Variants in GRB14 observed in about 807,000 individuals in gnomAD.
GRB14 encodes growth factor receptor-bound protein 14.
In GRB14, 38 loss-of-function variants were observed where a neutral mutation model predicts 69.1. The observed-to-expected ratio is 0.55, with a 90% CI of 0.42 to 0.72. GRB14 has a LOEUF of 0.72. Ranked by LOEUF, GRB14 falls within the 30% of genes least tolerant of loss-of-function variation. GRB14 has a pLI of 0.00. For synonymous variants in GRB14, 247 were observed against 241.3 expected (o/e 1.02, Z -0.22); for missense variants, 666 against 666.1 (o/e 1.00, Z 0.00).
chr2:164,499,393 A>G (rs773767397), intron 9 of GRB14, among the ~76,000 whole-genome samples: 3 of 152,160 alleles, frequency 2.0e-5, no homozygotes, highest in Non-Finnish European at 4.4e-5. Flanking sequence ...AATGTCTTCT[A>G]CTGAATGGCA....
At chr2:164,524,171 A>C (rs1450526722) in intron 5 of GRB14, among the ~76,000 whole-genome samples, 1 of 152,086 alleles carries the variant, frequency 6.6e-6, no homozygotes, top group Non-Finnish European at 1.5e-5. Context: ...ACAATACTGG[A>C]AATATTAAAA....
Position 164,608,592 on chromosome 2 carries a change from A to G in GRB14, c.324+11095T>C, listed in dbSNP as rs12474793. Among the ~76,000 whole-genome samples, 998 of 101,670 alleles carry G rather than the reference A, an allele frequency of 9.8e-3. 32 individuals are homozygous for G. Among genetic ancestry groups the G allele is most frequent in the Admixed American group, 0.08 (841 of 10,520 alleles). The allele number at this position is 101,670 out of a possible 152,430, so 66.7% of individuals were successfully genotyped here. A position where few individuals can be genotyped will look rare whatever the true frequency, so the allele number is the denominator to read the frequency against. Reference sequence around the variant, plus strand: ...ATGCCTTGGACAAATGGAAAAAAAGAAAAAAGAAAAAAAGTTAAATTAATA... The same window carrying G: ...ATGCCTTGGACAAATGGAAAAAAAGGAAAAAGAAAAAAAGTTAAATTAATA... On this transcript the variant is annotated intron_variant, in intron 2 of 13. Coordinates refer to ENST00000263915, the MANE Select transcript of GRB14 (RefSeq NM_004490.3).
intron 6 of GRB14, among the ~76,000 whole-genome samples, chr2:164,516,086 A>T (rs1306382370): frequency 6.6e-6 from 1 of 152,018 alleles, no homozygotes; most frequent in African/African-American, 2.4e-5. Flanking sequence ...GACCAAACCT[A>T]AGAAGAACTG....
intron 2 of GRB14, among the ~76,000 whole-genome samples, chr2:164,548,569 T>C (rs1688445645): frequency 6.6e-6 from 1 of 152,164 alleles, no homozygotes. Flanking sequence ...TTTGGGTATA[T>C]ATCCAAGAGA....
At chr2:164,513,154 C>G (rs981145960) in intron 6 of GRB14, among the ~76,000 whole-genome samples, 2 of 151,948 alleles carry the variant, frequency 1.3e-5, no homozygotes, top group Non-Finnish European at 2.9e-5. Flanking sequence ...TGCCTTCTTC[C>G]CTTCAGTCTC....
At chr2:164,524,775 A>T (rs1323181374) in intron 5 of GRB14, among the ~76,000 whole-genome samples, 1 of 152,064 alleles carries the variant, frequency 6.6e-6, no homozygotes, top group Non-Finnish European at 1.5e-5. Flanking sequence ...AATATGTAAA[A>T]TCCTTTGACA....
intron 9 of GRB14, among the ~76,000 whole-genome samples, chr2:164,501,669 C>A (rs1687055986): frequency 6.6e-6 from 1 of 151,998 alleles, no homozygotes; most frequent in Admixed American, 6.6e-5. Flanking sequence ...TAACACACGA[C>A]CTATATTTTG....
chr2:164,611,911 T>C (rs902805223), intron 2 of GRB14, among the ~76,000 whole-genome samples: 2 of 152,106 alleles, frequency 1.3e-5, no homozygotes, highest in Non-Finnish European at 2.9e-5. Flanking sequence ...GAAACCCTGC[T>C]TTCCACGACT....
chr2:164,567,521 C>T (rs1689007507), intron 2 of GRB14, among the ~76,000 whole-genome samples: 1 of 152,032 alleles, frequency 6.6e-6, no homozygotes. Context: ...AGCATATTGC[C>T]AAAACTGAGT....
chr2:164,541,074 CATT>C (rs1423223142), intron 3 of GRB14, among the ~76,000 whole-genome samples: 5 of 152,144 alleles, frequency 3.3e-5, no homozygotes, highest in Admixed American at 2.6e-4. Context: ...AAAATGTTAA[CATT>C]AGTTATCTCG....
chr2:164,600,157 G>A (rs1689879311), intron 2 of GRB14, among the ~76,000 whole-genome samples: 1 of 152,100 alleles, frequency 6.6e-6, no homozygotes, highest in Non-Finnish European at 1.5e-5. Context: ...ACTATCCACA[G>A]ACAAAACATA....
At chr2:164,561,534 C>T (rs1213821133) in intron 2 of GRB14, among the ~76,000 whole-genome samples, 1 of 152,112 alleles carries the variant, frequency 6.6e-6, no homozygotes, top group African/African-American at 2.4e-5. Context: ...TGAGATTCGT[C>T]CCATGAAAAG....
At chr2:164,565,917 C>CA (rs1405134242) in intron 2 of GRB14, among the ~76,000 whole-genome samples, 1 of 152,152 alleles carries the variant, frequency 6.6e-6, no homozygotes, top group African/African-American at 2.4e-5. Context: ...TAAGCACTAC[C>CA]AGAGACACTT....
chr2:164,615,832 A>T (rs73030032), intron 2 of GRB14, among the ~76,000 whole-genome samples: 2,362 of 152,318 alleles, frequency 0.016, 69 homozygotes, highest in African/African-American at 0.054. Context: ...CTAGGGGTCA[A>T]CAAAAAAGAC....
intron 2 of GRB14, among the ~76,000 whole-genome samples, chr2:164,584,147 A>ATTTTTTTTTTTTTTTTTTTTTTTT (rs55883951): frequency 2.0e-5 from 1 of 49,896 alleles, no homozygotes; most frequent in Non-Finnish European, 3.4e-5. Flanking sequence ...CAGCCTGGCT[A>ATTTTTTTTTTTTTTTTTTTTTTTT]TTTTTTTTTT....
In GRB14 at chr2:164,492,521, T is replaced by G. The variant is rs1686783498; in HGVS notation, c.*515A>C. 6.6e-6 allele frequency among the ~76,000 whole-genome samples: 1 copy of G among 152,018 alleles called. No individual in the cohort carries two copies. The highest frequency in any genetic ancestry group is 2.4e-5 in the African/African-American group (1 of 41,452). On this transcript the variant is annotated 3_prime_UTR_variant, in exon 14 of 14. Coordinates refer to ENST00000263915, the MANE Select transcript of GRB14 (RefSeq NM_004490.3). The stretch of plus-strand genomic sequence containing the variant: ...ACTATCTCAAAATATGATTTCATTT[T>G]AAGATGATCATAAACCCGGAAAATA...
chr2:164,619,862 T>C lies in GRB14; in HGVS notation c.192-43A>G, dbSNP rs752773724. ...AGGATGTAATTTACATAAAACAGAATGTAAAATATAATTGCTGTCAGGAAT... is the reference window on the plus strand; with the variant it reads ...AGGATGTAATTTACATAAAACAGAACGTAAAATATAATTGCTGTCAGGAAT... On this transcript the variant is annotated intron_variant, in intron 1 of 13. Transcript: ENST00000263915. 45 of 1,527,876 alleles carry C rather than the reference T, an allele frequency of 2.9e-5. No homozygotes were observed. The Admixed American group carries it at 5.6e-4, about 19-fold the overall frequency. The allele number at this position is 1,527,876 out of a possible 1,614,324, so 94.6% of individuals were successfully genotyped here.
chr2:164,550,589 T>C (rs1688509291), intron 2 of GRB14, among the ~76,000 whole-genome samples: 4 of 152,348 alleles, frequency 2.6e-5, no homozygotes, highest in Admixed American at 2.6e-4. Context: ...AAGTATTAAA[T>C]GGTCTATTCC....
At chr2:164,574,793 A>G (rs187957473) in intron 2 of GRB14, among the ~76,000 whole-genome samples, 12 of 152,166 alleles carry the variant, frequency 7.9e-5, no homozygotes, top group Admixed American at 3.9e-4. Flanking sequence ...AAATAAAAAA[A>G]TACGGCCAGG....
Sources: allele counts gnomAD v4.1 joint callset (sites outside exome capture counted in the v4.1 genomes callset), GRCh38; gene constraint gnomAD v4.1.1; transcripts MANE v1.5; gene names NCBI Gene and HGNC (gene_info 2026-07-23, HGNC 2026-07-21).